Variants in ZNF804A observed in about 807,000 individuals in gnomAD.
ZNF804A encodes zinc finger protein 804A.
A neutral mutation model predicts 16.5 loss-of-function variants in ZNF804A; 2 were observed. The observed-to-expected ratio is 0.12, with a 90% CI of 0.05 to 0.38. The LOEUF (loss-of-function observed/expected upper bound fraction) is 0.38. ZNF804A is among the 10% of genes least tolerant of loss of function. The probability of loss-of-function intolerance (pLI) is 0.99; values close to 1 mark genes in which losing one functional copy is unlikely to be tolerated. For missense variants in ZNF804A, 1,473 were observed against 1,390.7 expected (o/e 1.06, Z -0.94); for synonymous variants, 534 against 489.6 (o/e 1.09, Z -1.20).
intron 1 of ZNF804A, among the ~76,000 whole-genome samples, chr2:184,852,839 G>A (rs1236670587): frequency 6.6e-6 from 1 of 151,636 alleles, no homozygotes; most frequent in East Asian, 1.9e-4. Context: ...CATGTTGGTT[G>A]CTATATCTTT....
At chr2:184,726,565 G>A (rs566814379) in intron 1 of ZNF804A, among the ~76,000 whole-genome samples, 46 of 151,450 alleles carry the variant, frequency 3.0e-4, no homozygotes, top group African/African-American at 1.0e-3. Context: ...GAGTTAAGAA[G>A]CATTTCAAAT....
intron 1 of ZNF804A, among the ~76,000 whole-genome samples, chr2:184,634,438 T>C (rs1161243936): frequency 6.6e-6 from 1 of 152,148 alleles, no homozygotes. Flanking sequence ...GAGAGATTAT[T>C]CTGGAATACC....
intron 2 of ZNF804A, among the ~76,000 whole-genome samples, chr2:184,920,418 A>T (rs1315319452): frequency 6.6e-6 from 1 of 152,166 alleles, no homozygotes; most frequent in African/African-American, 2.4e-5. Context: ...TCCCTGAGAT[A>T]TCTGTTTGGG....
At chr2:184,845,091 A>G (rs148259519) in intron 1 of ZNF804A, among the ~76,000 whole-genome samples, 108 of 152,060 alleles carry the variant, frequency 7.1e-4, no homozygotes, top group African/African-American at 2.5e-3. Context: ...CTCTTTGTTT[A>G]TATAACTTGT....
intron 1 of ZNF804A, among the ~76,000 whole-genome samples, chr2:184,749,612 A>C (rs1693845501): frequency 6.6e-6 from 1 of 151,186 alleles, no homozygotes; most frequent in Admixed American, 6.6e-5. Context: ...TCTACATCTA[A>C]AAAATATTGT....
chr2:184,847,299 A>C (rs1056701448), intron 1 of ZNF804A, among the ~76,000 whole-genome samples: 1 of 152,098 alleles, frequency 6.6e-6, no homozygotes, highest in Non-Finnish European at 1.5e-5. Flanking sequence ...AAGACCTTAC[A>C]TCTAAATGCG....
intron 1 of ZNF804A, among the ~76,000 whole-genome samples, chr2:184,760,525 G>A (rs544504562): frequency 6.6e-6 from 1 of 152,178 alleles, no homozygotes; most frequent in Non-Finnish European, 1.5e-5. Flanking sequence ...TAGAGCTTAA[G>A]TTGGCATATT....
chr2:184,772,709 C>A (rs1489240684), intron 1 of ZNF804A, among the ~76,000 whole-genome samples: 2 of 151,550 alleles, frequency 1.3e-5, no homozygotes, highest in African/African-American at 2.4e-5. Context: ...GCTTTCAAAG[C>A]AAGAGCATCA....
chr2:184,838,578 A>C (rs144958650), intron 1 of ZNF804A, among the ~76,000 whole-genome samples: 2 of 152,264 alleles, frequency 1.3e-5, no homozygotes, highest in Non-Finnish European at 2.9e-5. Flanking sequence ...ATAACCCAGA[A>C]TTAGTAAGAC....
At chr2:184,618,914 A>T (rs1258832800) in intron 1 of ZNF804A, among the ~76,000 whole-genome samples, 1 of 152,124 alleles carries the variant, frequency 6.6e-6, no homozygotes, top group Non-Finnish European at 1.5e-5. Flanking sequence ...TGTGTAAGTT[A>T]TGCTTCCATC....
intron 1 of ZNF804A, among the ~76,000 whole-genome samples, chr2:184,765,840 A>T (rs1694116790): frequency 6.6e-6 from 1 of 152,074 alleles, no homozygotes; most frequent in African/African-American, 2.4e-5. Flanking sequence ...AGACTCTAAA[A>T]TATTTTTTCA....
chr2:184,807,418 A>T (rs546821646), intron 1 of ZNF804A, among the ~76,000 whole-genome samples: 1 of 151,940 alleles, frequency 6.6e-6, no homozygotes, highest in South Asian at 2.1e-4. Flanking sequence ...ATGAAGCTAC[A>T]TGTTTTAGAG....
chr2:184,700,565 T>C (rs1692902942), intron 1 of ZNF804A, among the ~76,000 whole-genome samples: 1 of 152,096 alleles, frequency 6.6e-6, no homozygotes, highest in African/African-American at 2.4e-5. Context: ...ACTTATGAAC[T>C]GACATTAGGG....
At chr2:184,642,392 T>C (rs1691808376) in intron 1 of ZNF804A, among the ~76,000 whole-genome samples, 1 of 152,160 alleles carries the variant, frequency 6.6e-6, no homozygotes, top group South Asian at 2.1e-4. Context: ...GGATATGATC[T>C]TATTTATTGA....
intron 1 of ZNF804A, among the ~76,000 whole-genome samples, chr2:184,833,766 T>C (rs889273417): frequency 3.3e-5 from 5 of 152,084 alleles, no homozygotes; most frequent in Admixed American, 6.6e-5. Context: ...GTCACATCTT[T>C]AAGTTAAAAG....
intron 2 of ZNF804A, among the ~76,000 whole-genome samples, chr2:184,866,796 A>C (rs1388714307): frequency 6.6e-6 from 1 of 151,296 alleles, no homozygotes; most frequent in East Asian, 1.9e-4. Context: ...ATATTCTACA[A>C]GTGATGATCC....
At chr2:184,797,450 C>T (rs930061256) in intron 1 of ZNF804A, among the ~76,000 whole-genome samples, 3 of 152,106 alleles carry the variant, frequency 2.0e-5, no homozygotes, top group Non-Finnish European at 2.9e-5. Flanking sequence ...ATAGCTACCC[C>T]TGCTTGCTTT....
intron 1 of ZNF804A, among the ~76,000 whole-genome samples, chr2:184,865,461 G>T (rs1044856209): frequency 6.6e-6 from 1 of 152,056 alleles, no homozygotes; most frequent in African/African-American, 2.4e-5. Context: ...CAGGTTCAGA[G>T]ATCACATGTG....
At chr2:184,708,527 A>T (rs1468199446) in intron 1 of ZNF804A, among the ~76,000 whole-genome samples, 1 of 149,886 alleles carries the variant, frequency 6.7e-6, no homozygotes, top group Non-Finnish European at 1.5e-5. Flanking sequence ...CAACAGAGTC[A>T]ACAAAAATAA....
Sources: gnomAD v4.1 joint callset for allele counts (sites outside exome capture counted in the v4.1 genomes callset) on GRCh38, gnomAD v4.1.1 for gene constraint, MANE v1.5 for transcripts, NCBI Gene and HGNC (gene_info 2026-07-23, HGNC 2026-07-21) for gene names.